The following SCFD1 variants were observed in gnomAD, a reference collection of about 807,000 sequenced individuals.
SCFD1 encodes sec1 family domain containing 1, also known as sec1 family domain-containing protein 1.
A neutral mutation model predicts 103.2 loss-of-function variants in SCFD1; 37 were observed. That is an observed-to-expected ratio of 0.36 (90% confidence interval 0.28 to 0.47). The LOEUF is 0.47. Ranked by LOEUF, SCFD1 falls within the 20% of genes least tolerant of loss-of-function variation. SCFD1 has a pLI of 1.00. For synonymous variants in SCFD1, 264 were observed against 245.0 expected (o/e 1.08, Z -0.73); for missense variants, 639 against 761.2 (o/e 0.84, Z 1.89).
At chr14:30,674,959 A>T (rs768359314) in intron 13 of SCFD1, 25 bp from the exon 14 acceptor site, 5 of 1,408,268 alleles carry the variant, frequency 3.6e-6, no homozygotes, top group Non-Finnish European at 4.9e-6. Context: ...TTATTGGTTA[A>T]TATTTAATTT....
chr14:30,639,399 T>C (rs1885047581), intron 5 of SCFD1, among the ~76,000 whole-genome samples: 1 of 152,210 alleles, frequency 6.6e-6, no homozygotes, highest in South Asian at 2.1e-4. Flanking sequence ...GAAAAGTTCT[T>C]GGTGTAAAAC....
In SCFD1 at chr14:30,670,262, C is replaced by T. The variant is rs376822036; in HGVS notation, c.862C>T (p.His288Tyr). 7.0e-5 allele frequency: 111 copies of T among 1,580,284 alleles called. No homozygotes were observed. Among genetic ancestry groups the T allele is most frequent in the Non-Finnish European group, 9.0e-5 (105 of 1,167,612 alleles). ...CAAGATTACTTTTTCCTAGGATTTC[C>T]ATTTAAACAGGGTTAATTTGGAAGA... The part of the protein sequence containing the change: ...QALVHDVLDF[H>Y]LNRVNLEESS... The change falls in exon 11 of 25, where the codon CAT (histidine) becomes TAT (tyrosine). Residue 288 changes from histidine (H) to tyrosine (Y), a missense_variant. His to Tyr is a moderately conservative substitution (Grantham distance 83). Coordinates refer to ENST00000458591, the MANE Select transcript of SCFD1 (RefSeq NM_016106.4).
chr14:30,707,820 TGA>T (rs766023978), intron 18 of SCFD1, 168 bp from the exon 19 acceptor site: 12 of 696,790 alleles, frequency 1.7e-5, no homozygotes, highest in Non-Finnish European at 3.2e-5. Context: ...ATTGCAGCTG[TGA>T]TACCCATGGC....
intron 1 of SCFD1, among the ~76,000 whole-genome samples, chr14:30,622,641 C>T (rs968434617): frequency 7.2e-5 from 11 of 152,144 alleles, no homozygotes; most frequent in Admixed American, 3.9e-4. Context: ...GCTCTTGTCT[C>T]CTTCCTAGTG....
chr14:30,696,249 C>G (rs1287550022), intron 15 of SCFD1, among the ~76,000 whole-genome samples: 1 of 152,108 alleles, frequency 6.6e-6, no homozygotes, highest in Non-Finnish European at 1.5e-5. Flanking sequence ...AAGTATTGCT[C>G]ACACTTTTAG....
intron 23 of SCFD1, among the ~76,000 whole-genome samples, chr14:30,733,823 C>T (rs545929953): frequency 2.0e-5 from 3 of 152,326 alleles, no homozygotes; most frequent in South Asian, 4.2e-4. Flanking sequence ...ACCAGAGAGG[C>T]ATAAAAGACC....
chr14:30,732,081 C>G (rs1398894983), intron 23 of SCFD1, among the ~76,000 whole-genome samples: 1 of 152,100 alleles, frequency 6.6e-6, no homozygotes, highest in African/African-American at 2.4e-5. Flanking sequence ...TGAATTTTGT[C>G]AAAGACAAAA....
intron 1 of SCFD1, among the ~76,000 whole-genome samples, chr14:30,626,710 C>T (rs1362439691): frequency 2.0e-5 from 3 of 152,128 alleles, no homozygotes; most frequent in Non-Finnish European, 2.9e-5. Flanking sequence ...CCATTAAAAC[C>T]CTGTGTCTCA....
At chr14:30,672,022 AAAAAAAG>A (rs989769447) in intron 11 of SCFD1, among the ~76,000 whole-genome samples, 13 of 151,810 alleles carry the variant, frequency 8.6e-5, no homozygotes, top group Non-Finnish European at 2.9e-5. Flanking sequence ...CTTAAAAAAA[AAAAAAAG>A]AAAGAAAAGA....
intron 10 of SCFD1, among the ~76,000 whole-genome samples, chr14:30,657,221 G>A (rs1307732257): frequency 6.6e-6 from 1 of 151,998 alleles, no homozygotes; most frequent in Non-Finnish European, 1.5e-5. Context: ...GGAAATTAAA[G>A]TACAGGGTGC....
At chr14:30,720,568 A>G (rs1407674911) in intron 21 of SCFD1, among the ~76,000 whole-genome samples, 1 of 152,156 alleles carries the variant, frequency 6.6e-6, no homozygotes, top group Admixed American at 6.5e-5. Flanking sequence ...TTTGGGGGGA[A>G]AAACGGATGG....
chr14:30,658,228 CTTA>C (rs995377336), intron 10 of SCFD1: 1 of 326,292 alleles, frequency 3.1e-6, no homozygotes, highest in African/African-American at 2.2e-5. Flanking sequence ...GCTACTGACT[CTTA>C]TTATTTGAAA....
chr14:30,721,993 C>A, intron 22 of SCFD1, 76 bp downstream of exon 22: 1 of 1,040,810 alleles, frequency 9.6e-7, no homozygotes, highest in Non-Finnish European at 1.5e-6. Flanking sequence ...CTGTCTGTAC[C>A]AAACATGGCT....
At chr14:30,629,769 G>T (rs531033647) in intron 2 of SCFD1, among the ~76,000 whole-genome samples, 35 of 151,892 alleles carry the variant, frequency 2.3e-4, no homozygotes, top group Non-Finnish European at 3.8e-4. Flanking sequence ...GTAGAGAAAG[G>T]GTTTCACCAT....
chr14:30,711,298 C>G (rs1463311889), intron 19 of SCFD1, among the ~76,000 whole-genome samples: 1 of 152,088 alleles, frequency 6.6e-6, no homozygotes, highest in African/African-American at 2.4e-5. Context: ...ATGATATGAA[C>G]AAGAAAACTA....
intron 5 of SCFD1, 49 bp from the exon 6 acceptor site, chr14:30,639,728 T>C: frequency 6.7e-7 from 1 of 1,493,308 alleles, no homozygotes; most frequent in South Asian, 1.3e-5. Context: ...TTACTTTCAA[T>C]ATGGCTATAT....
In SCFD1 at chr14:30,708,084, A is replaced by T. The variant is rs1204734205; in HGVS notation, c.1629+19A>T. ...ACAGCAAGTAAGTACACTTGTTAGA[A>T]AACATACTGGTAACTTTTAAACATA... On this transcript the variant is annotated intron_variant, in intron 19 of 24. Transcript: ENST00000458591. 1.3e-6 allele frequency: 2 copies of T among 1,508,620 alleles called. No homozygotes were observed. The highest frequency in any genetic ancestry group is 2.2e-5 in the South Asian group (2 of 89,056). 93.5% of individuals were successfully genotyped at this position (1,508,620 alleles called of 1,614,324 possible). A position where few individuals can be genotyped will look rare whatever the true frequency, so the allele number is the denominator to read the frequency against.
intron 4 of SCFD1, among the ~76,000 whole-genome samples, chr14:30,636,041 G>A (rs1352475113): frequency 6.6e-6 from 1 of 151,998 alleles, no homozygotes; most frequent in Non-Finnish European, 1.5e-5. Context: ...TTGGCCATTT[G>A]TATGTCTTTC....
intron 11 of SCFD1, among the ~76,000 whole-genome samples, chr14:30,671,836 G>A (rs777508594): frequency 6.6e-6 from 1 of 151,886 alleles, no homozygotes; most frequent in Non-Finnish European, 1.5e-5. Context: ...TCCAGCTTTC[G>A]TTGGTAAAGC....
Sources: gnomAD v4.1 joint callset for allele counts (sites outside exome capture counted in the v4.1 genomes callset) on GRCh38, gnomAD v4.1.1 for gene constraint, MANE v1.5 for transcripts, NCBI Gene and HGNC (gene_info 2026-07-23, HGNC 2026-07-21) for gene names.